The following EPB41L4B variants were observed in gnomAD, a reference collection of about 807,000 sequenced individuals.
EPB41L4B encodes erythrocyte membrane protein band 4.1 like 4B.
A neutral mutation model predicts 112.5 loss-of-function variants in EPB41L4B; 30 were observed. That is an observed-to-expected ratio of 0.27 (90% CI 0.20 to 0.36). The LOEUF (loss-of-function observed/expected upper bound fraction) is 0.36, where lower values mean the gene tolerates loss of function less well. Ranked by LOEUF, EPB41L4B falls within the 10% of genes least tolerant of loss-of-function variation. EPB41L4B has a pLI of 1.00. For missense variants in EPB41L4B, 1,024 were observed against 1,133.3 expected (o/e 0.90, Z 1.38); for synonymous variants, 408 against 439.7 (o/e 0.93, Z 0.90).
intron 1 of EPB41L4B, among the ~76,000 whole-genome samples, chr9:109,316,953 T>A (rs760480373): frequency 1.3e-4 from 20 of 151,990 alleles, no homozygotes; most frequent in Non-Finnish European, 2.8e-4. Flanking sequence ...ATAATTTTTT[T>A]AATTAGCCGG....
At chr9:109,214,232 T>A (rs1833285582) in intron 16 of EPB41L4B, among the ~76,000 whole-genome samples, 2 of 152,198 alleles carry the variant, frequency 1.3e-5, no homozygotes, top group South Asian at 2.1e-4. Flanking sequence ...TTAAAAGCCA[T>A]GTTATGTTCC....
chr9:109,272,807 T>TA (rs1835672707), intron 2 of EPB41L4B, among the ~76,000 whole-genome samples: 1 of 152,140 alleles, frequency 6.6e-6, no homozygotes, highest in African/African-American at 2.4e-5. Flanking sequence ...TCTGAAGAGA[T>TA]AATCAAATTG....
rs563271564 is a variant in EPB41L4B at position 109,254,660 on chromosome 9, C to T, written c.1169+851G>A. ...CCTTACACATACACACACATGCATA[C>T]CCACAGATTCTGACTGCAAAGGTCT... On this transcript the variant is annotated intron_variant, in intron 11 of 25. Coordinates refer to ENST00000374566, the MANE Select transcript of EPB41L4B (RefSeq NM_019114.5). Among the ~76,000 whole-genome samples the T allele has an allele frequency of 4.6e-5, 7 of 152,258 alleles. No individual in the cohort carries two copies. The South Asian group carries it at 1.2e-3, about 27-fold the overall frequency.
intron 1 of EPB41L4B, among the ~76,000 whole-genome samples, chr9:109,281,164 T>C (rs544550819): frequency 6.7e-6 from 1 of 149,450 alleles, no homozygotes; most frequent in Non-Finnish European, 1.5e-5. Context: ...CATGGAGACA[T>C]GAAGTGCAGA....
chr9:109,294,555 T>C (rs943707491), intron 1 of EPB41L4B, among the ~76,000 whole-genome samples: 2 of 151,856 alleles, frequency 1.3e-5, no homozygotes, highest in African/African-American at 4.8e-5. Context: ...GACCAGGAGG[T>C]TGAAGTTGCA....
intron 17 of EPB41L4B, among the ~76,000 whole-genome samples, chr9:109,210,297 T>G (rs1833121933): frequency 6.6e-6 from 1 of 152,232 alleles, no homozygotes; most frequent in South Asian, 2.1e-4. Context: ...TATCTTGTGT[T>G]TGTAAATCCT....
At chr9:109,305,220 T>A (rs559578110) in intron 1 of EPB41L4B, among the ~76,000 whole-genome samples, 1 of 75,046 alleles carries the variant, frequency 1.3e-5, no homozygotes, top group East Asian at 3.9e-4. Flanking sequence ...GGTGGTGGGG[T>A]GGGAGGATGG....
chr9:109,219,636 G>A (rs1833504278), intron 15 of EPB41L4B, among the ~76,000 whole-genome samples: 1 of 152,126 alleles, frequency 6.6e-6, no homozygotes, highest in South Asian at 2.1e-4. Context: ...TTACAGGCGT[G>A]AGCCACCGTG....
chr9:109,247,257 A>G (rs1013031152), intron 14 of EPB41L4B, among the ~76,000 whole-genome samples: 1 of 152,146 alleles, frequency 6.6e-6, no homozygotes, highest in Admixed American at 6.5e-5. Context: ...TTAAAAAAAT[A>G]AAACATGTCT....
Position 109,172,268 on chromosome 9 carries a change from G to A in EPB41L4B, c.*2286C>T, listed in dbSNP as rs1010202014. On this transcript the variant is annotated 3_prime_UTR_variant, in exon 26 of 26. Transcript: ENST00000374566. ...AAGAAACCTTCAGCTTTGCCCTGGAGGTTTCCATCAGCGAGCAGGAGGTGA... is the reference window on the plus strand; with the variant it reads ...AAGAAACCTTCAGCTTTGCCCTGGAAGTTTCCATCAGCGAGCAGGAGGTGA... 6.6e-6 allele frequency: 1 copy of A among 152,186 alleles called. No homozygotes were observed. The highest frequency in any genetic ancestry group is 2.4e-5 in the African/African-American group (1 of 41,438). The allele number at this position is 152,186 out of a possible 1,614,324, so 9.4% of individuals were successfully genotyped here.
Position 109,185,404 on chromosome 9 carries a change from G to A in EPB41L4B, c.2418+85C>T, listed in dbSNP as rs3750448. ...TGCCCGAGATCTGGGGCTTCTGCAC[G>A]CCCACCCAGGCTTCCACCTCGCCTG... is the stretch of plus-strand genomic sequence containing the variant. On this transcript the variant is annotated intron_variant, in intron 23 of 25. Transcript: ENST00000374566. The A allele has an allele frequency of 0.013, 14,570 of 1,157,670 alleles. 984 individuals carry two copies. In the Admixed American group the frequency reaches 0.15, roughly 12 times the overall value. 71.7% of individuals were successfully genotyped at this position (1,157,670 alleles called of 1,614,324 possible). A position where few individuals can be genotyped will look rare whatever the true frequency, so the allele number is the denominator to read the frequency against.
chr9:109,260,413 T>C (rs1835157533), intron 6 of EPB41L4B, among the ~76,000 whole-genome samples: 1 of 141,680 alleles, frequency 7.1e-6, no homozygotes. Flanking sequence ...ATTGTATCTT[T>C]TTTTTTTTTT....
chr9:109,234,787 G>A (rs1834080831), intron 15 of EPB41L4B, among the ~76,000 whole-genome samples: 1 of 152,210 alleles, frequency 6.6e-6, no homozygotes, highest in Non-Finnish European at 1.5e-5. Flanking sequence ...GAGCCCCGGA[G>A]GTGGAGGCTG....
chr9:109,226,739 GAA>G (rs1770380655), intron 15 of EPB41L4B, among the ~76,000 whole-genome samples: 6 of 100,572 alleles, frequency 6.0e-5, no homozygotes, highest in African/African-American at 1.1e-4. Flanking sequence ...TATATATGAA[GAA>G]TATATATATG....
At chr9:109,240,390 G>A in intron 15 of EPB41L4B, 1 of 985,264 alleles carries the variant, frequency 1.0e-6, no homozygotes. Context: ...TTTTGCAGTA[G>A]CCAAAAAAGA....
chr9:109,243,549 G>A (rs767811210), intron 15 of EPB41L4B, 69 bp downstream of exon 15: 1 of 1,461,532 alleles, frequency 6.8e-7, no homozygotes, highest in Non-Finnish European at 9.6e-7. Flanking sequence ...TCCTAACTAA[G>A]CAGAATCTGA....
chr9:109,194,378 G>T lies in EPB41L4B; in HGVS notation c.2065C>A (p.Pro689Thr), dbSNP rs752565202. The T allele has an allele frequency of 6.2e-7, 1 of 1,614,036 alleles. No homozygotes were observed. Among genetic ancestry groups the T allele is most frequent in the Non-Finnish European group, 8.5e-7 (1 of 1,180,026 alleles). ...ACTCCCACTGCCTCGGCCAGGTCTG[G>T]AGGGAGGTCGTCTTCATCACTGCGG... ...QYSFDEDDLP[P>T]DLAEAVGVTT... Residue 689 changes from proline to threonine, a missense_variant, in exon 21 of 26, where the codon CCA becomes ACA. Coordinates refer to ENST00000374566, the MANE Select transcript of EPB41L4B (RefSeq NM_019114.5).
chr9:109,212,455 T>C (rs888687079), intron 17 of EPB41L4B, among the ~76,000 whole-genome samples: 7 of 151,986 alleles, frequency 4.6e-5, no homozygotes, highest in Non-Finnish European at 7.4e-5. Context: ...CTGGCAATCA[T>C]GGAGGGAGGT....
At chr9:109,298,553 C>T (rs1029875963) in intron 1 of EPB41L4B, among the ~76,000 whole-genome samples, 23 of 152,262 alleles carry the variant, frequency 1.5e-4, no homozygotes, top group Middle Eastern at 3.4e-3. Context: ...ACCTTGTGAT[C>T]CACCCACCTC....
Sources: gnomAD v4.1 joint callset for allele counts (sites outside exome capture counted in the v4.1 genomes callset) on GRCh38, gnomAD v4.1.1 for gene constraint, MANE v1.5 for transcripts, NCBI Gene and HGNC (gene_info 2026-07-23, HGNC 2026-07-21) for gene names.